Variants in KATNIP observed in about 807,000 individuals in gnomAD.
The protein encoded by KATNIP is katanin interacting protein, also known as katanin-interacting protein.
In KATNIP, 126 loss-of-function variants were observed where a neutral mutation model predicts 174.0. That is an observed-to-expected ratio of 0.72 (90% CI 0.63 to 0.84). The LOEUF is 0.84. Ranked by LOEUF, KATNIP falls within the 40% of genes least tolerant of loss-of-function variation. The probability of loss-of-function intolerance (pLI) is 0.00; values close to 1 mark genes in which losing one functional copy is unlikely to be tolerated. For synonymous variants in KATNIP, 810 were observed against 835.7 expected, an observed-to-expected ratio of 0.97 and a Z score of 0.53; for missense variants, 1,958 against 2,109.7, an observed-to-expected ratio of 0.93 and a Z score of 1.41.
chr16:27,699,815 G>A (rs989530710), intron 10 of KATNIP, among the ~76,000 whole-genome samples: 1 of 152,330 alleles, frequency 6.6e-6, no homozygotes, highest in Non-Finnish European at 1.5e-5. Flanking sequence ...CAGGAATGGC[G>A]TGGCTTACCC....
chr16:27,602,036 A>G (rs1339068068), intron 2 of KATNIP, among the ~76,000 whole-genome samples: 1 of 152,220 alleles, frequency 6.6e-6, no homozygotes, highest in African/African-American at 2.4e-5. Flanking sequence ...AGGCTCTGAC[A>G]GGTAAAAGTG....
At chr16:27,772,983 GT>G in intron 22 of KATNIP, 115 bp from the exon 23 acceptor site, 1 of 630,100 alleles carries the variant, frequency 1.6e-6, no homozygotes, top group South Asian at 2.0e-5. Context: ...AGAGAAAAAT[GT>G]TTTTCTCTCA....
chr16:27,627,047 ACTTT>A (rs2076355594), intron 3 of KATNIP, among the ~76,000 whole-genome samples: 1 of 151,886 alleles, frequency 6.6e-6, no homozygotes, highest in African/African-American at 2.4e-5. Flanking sequence ...TTATTCTCTG[ACTTT>A]CTGTCTGTGA....
chr16:27,722,819 G>T (rs1415665196), intron 14 of KATNIP, among the ~76,000 whole-genome samples: 3 of 152,248 alleles, frequency 2.0e-5, no homozygotes, highest in Non-Finnish European at 4.4e-5. Context: ...AACATGCCCA[G>T]TGAGCTGGAT....
chr16:27,750,173 C>T lies in KATNIP; in HGVS notation c.3213C>T (p.Ala1071=). ...TIDFTHPCHV[A]LIRIWNYNKS... is the part of the protein sequence containing the mutation. The stretch of plus-strand genomic sequence containing the variant: ...ACTTCACGCACCCTTGCCACGTTGC[C>T]CTGATCAGAATTTGGAACTACAATA... Residue 1071 remains alanine, a synonymous_variant, in exon 16 of 28, where the codon GCC becomes GCT. Coordinates refer to ENST00000261588, the MANE Select transcript of KATNIP (RefSeq NM_015202.5). The T allele has an allele frequency of 6.2e-7, 1 of 1,614,100 alleles. No individual in the cohort carries two copies. Among genetic ancestry groups the T allele is most frequent in the Non-Finnish European group, 8.5e-7 (1 of 1,180,032 alleles).
At chr16:27,623,305 C>A (rs2076246484) in intron 3 of KATNIP, among the ~76,000 whole-genome samples, 1 of 152,194 alleles carries the variant, frequency 6.6e-6, no homozygotes, top group African/African-American at 2.4e-5. Flanking sequence ...TGGGCAAGTT[C>A]ATTTCTAAAA....
chr16:27,572,361 A>AC (rs2090336458), intron 1 of KATNIP, among the ~76,000 whole-genome samples: 1 of 127,154 alleles, frequency 7.9e-6, no homozygotes, highest in African/African-American at 3.1e-5. Flanking sequence ...GCAAAAAAGA[A>AC]AACACACACA....
At chr16:27,646,310 G>C (rs936946166) in intron 5 of KATNIP, among the ~76,000 whole-genome samples, 2 of 152,146 alleles carry the variant, frequency 1.3e-5, no homozygotes, top group Non-Finnish European at 2.9e-5. Context: ...CTTCCCTCTA[G>C]CTTCACATCC....
intron 2 of KATNIP, among the ~76,000 whole-genome samples, chr16:27,595,468 T>C (rs1008519515): frequency 3.3e-5 from 5 of 152,150 alleles, no homozygotes; most frequent in African/African-American, 1.2e-4. Context: ...AAGTTGTTCA[T>C]TGTGATAGAG....
At chr16:27,559,552 C>G (rs2089770297) in intron 1 of KATNIP, among the ~76,000 whole-genome samples, 1 of 151,720 alleles carries the variant, frequency 6.6e-6, no homozygotes, top group Non-Finnish European at 1.5e-5. Context: ...GGCATGTTGA[C>G]ACATGCCTGT....
intron 2 of KATNIP, among the ~76,000 whole-genome samples, chr16:27,599,149 G>T (rs1353133896): frequency 6.6e-6 from 1 of 152,206 alleles, no homozygotes; most frequent in African/African-American, 2.4e-5. Context: ...AGCGAGGGGT[G>T]TGTGGAAATG....
At position 27,708,872 on chromosome 16, in the gene KATNIP, C is replaced by T. The variant is rs1169029266; in HGVS notation, c.1557C>T (p.Asn519=). The part of the protein sequence containing the change: ...YVSPHDVDIR[N]TATPGELGRL... ...CGCCCCACGATGTGGATATCCGGAA[C>T]ACAGCCACGCCTGGGGAGCTGGGCC... The change falls in exon 13 of 28, where the codon AAC becomes AAT. Residue 519 remains asparagine, a synonymous_variant. Transcript: ENST00000261588. The T allele has an allele frequency of 6.2e-7, 1 of 1,613,852 alleles. No individual in the cohort carries two copies. Among genetic ancestry groups the T allele is most frequent in the East Asian group, 2.2e-5 (1 of 44,880 alleles).
chr16:27,733,736 G>T (rs1185272437), intron 14 of KATNIP, among the ~76,000 whole-genome samples: 2 of 152,162 alleles, frequency 1.3e-5, no homozygotes, highest in East Asian at 1.9e-4. Context: ...GACGACTGGA[G>T]GGGGAGGAAG....
At chr16:27,687,380 G>A (rs2078562762) in intron 8 of KATNIP, 1 of 151,976 alleles carries the variant, frequency 6.6e-6, no homozygotes, top group Non-Finnish European at 1.5e-5. Flanking sequence ...AGGTTGGTCT[G>A]AATTAGATAG....
intron 5 of KATNIP, among the ~76,000 whole-genome samples, chr16:27,640,414 G>A (rs1402303319): frequency 6.6e-6 from 1 of 152,232 alleles, no homozygotes. Flanking sequence ...GAACCTGCCA[G>A]CCTGGGCTGC....
chr16:27,692,138 G>C (rs555181026), intron 8 of KATNIP, among the ~76,000 whole-genome samples: 1 of 152,314 alleles, frequency 6.6e-6, no homozygotes, highest in Non-Finnish European at 1.5e-5. Flanking sequence ...GTGAATTTCA[G>C]GTTCTACTTG....
intron 18 of KATNIP, among the ~76,000 whole-genome samples, chr16:27,760,490 G>A (rs1366428928): frequency 6.6e-6 from 1 of 152,210 alleles, no homozygotes; most frequent in Non-Finnish European, 1.5e-5. Context: ...GAGGATGGGA[G>A]CAGAGGCAAA....
At chr16:27,647,237 A>G (rs1180676947) in intron 5 of KATNIP, among the ~76,000 whole-genome samples, 1 of 152,220 alleles carries the variant, frequency 6.6e-6, no homozygotes, top group Non-Finnish European at 1.5e-5. Flanking sequence ...GAGTGTCTGC[A>G]GTCCAGAAAG....
intron 14 of KATNIP, among the ~76,000 whole-genome samples, chr16:27,729,994 G>A (rs2080602301): frequency 1.3e-5 from 2 of 152,218 alleles, no homozygotes; most frequent in African/African-American, 4.8e-5. Flanking sequence ...GTTGCCCCAA[G>A]CCCAGGCGTT....
Sources: allele counts gnomAD v4.1 joint callset (sites outside exome capture counted in the v4.1 genomes callset), GRCh38; gene constraint gnomAD v4.1.1; transcripts MANE v1.5; gene names NCBI Gene and HGNC (gene_info 2026-07-23, HGNC 2026-07-21).